LUZP2: variants seen among roughly 807,000 people sequenced by gnomAD.
The protein encoded by LUZP2 is leucine zipper protein 2.
In LUZP2, 52 loss-of-function variants were observed where a neutral mutation model predicts 51.6. The observed-to-expected ratio is 1.01, with a 90% CI of 0.81 to 1.27. The LOEUF (loss-of-function observed/expected upper bound fraction) is 1.27, where lower values mean the gene tolerates loss of function less well. Among genes scored for constraint, LUZP2 ranks in the 50% most tolerant of loss-of-function variants. The probability of loss-of-function intolerance (pLI) is 0.00; values close to 1 mark genes in which losing one functional copy is unlikely to be tolerated. For missense variants in LUZP2, 436 were observed against 395.4 expected, an observed-to-expected ratio of 1.10 and a Z score of -0.87; for synonymous variants, 154 against 137.3, an observed-to-expected ratio of 1.12 and a Z score of -0.85.
At chr11:24,633,295 G>A (rs991309362) in intron 1 of LUZP2, among the ~76,000 whole-genome samples, 1 of 151,990 alleles carries the variant, frequency 6.6e-6, no homozygotes. Context: ...AAAATAAAAT[G>A]AGGATATATA....
At chr11:24,835,240 A>T (rs764288014) in intron 5 of LUZP2, among the ~76,000 whole-genome samples, 1 of 152,198 alleles carries the variant, frequency 6.6e-6, no homozygotes, top group Non-Finnish European at 1.5e-5. Flanking sequence ...TGGTACTGAG[A>T]AAACTAGCCA....
At chr11:24,565,953 T>A (rs1051443044) in intron 1 of LUZP2, among the ~76,000 whole-genome samples, 2 of 152,070 alleles carry the variant, frequency 1.3e-5, no homozygotes, top group African/African-American at 4.8e-5. Context: ...ATTTTAAAAA[T>A]TGTATTAATA....
chr11:24,623,589 T>G (rs1352347287), intron 1 of LUZP2, among the ~76,000 whole-genome samples: 6 of 152,158 alleles, frequency 3.9e-5, no homozygotes, highest in Non-Finnish European at 7.3e-5. Flanking sequence ...CTCACGTTTG[T>G]AATCCCAGCA....
intron 7 of LUZP2, among the ~76,000 whole-genome samples, chr11:24,926,599 A>G (rs1320478906): frequency 6.8e-6 from 1 of 146,586 alleles, no homozygotes; most frequent in Non-Finnish European, 1.5e-5. Flanking sequence ...GTGTATATAT[A>G]TGTGTGTATA....
intron 7 of LUZP2, among the ~76,000 whole-genome samples, chr11:24,961,398 C>T (rs1301345512): frequency 6.6e-6 from 1 of 152,086 alleles, no homozygotes; most frequent in Non-Finnish European, 1.5e-5. Context: ...CTTTGTAGGT[C>T]ACTCAGGACT....
chr11:24,576,561 C>T (rs1025122909), intron 1 of LUZP2, among the ~76,000 whole-genome samples: 1 of 138,928 alleles, frequency 7.2e-6, no homozygotes, highest in South Asian at 2.2e-4. Flanking sequence ...GAGTAATCAA[C>T]AAATTTGAGA....
At chr11:24,976,494 C>G (rs1299096278) in intron 7 of LUZP2, 97 bp from the exon 8 acceptor site, 5 of 592,112 alleles carry the variant, frequency 8.4e-6, no homozygotes, top group Admixed American at 7.1e-5. Context: ...TTTTTCTTTT[C>G]TCTCTTTTTA....
chr11:24,585,458 G>A (rs1433354114), intron 1 of LUZP2, among the ~76,000 whole-genome samples: 2 of 152,030 alleles, frequency 1.3e-5, no homozygotes, highest in African/African-American at 4.8e-5. Context: ...ATGTTTCACT[G>A]AATTGCTTAA....
intron 9 of LUZP2, among the ~76,000 whole-genome samples, chr11:25,003,356 C>T (rs1856747424): frequency 6.6e-6 from 1 of 152,140 alleles, no homozygotes; most frequent in Admixed American, 6.6e-5. Context: ...CAAAGAGAAA[C>T]TGGGGAGTCA....
At chr11:24,706,174 T>C (rs975679443) in intron 1 of LUZP2, among the ~76,000 whole-genome samples, 3 of 152,216 alleles carry the variant, frequency 2.0e-5, no homozygotes, top group African/African-American at 7.2e-5. Flanking sequence ...TTTTATAATA[T>C]GCTTTTAAGA....
chr11:24,994,156 G>GC (rs1271052568), intron 9 of LUZP2, among the ~76,000 whole-genome samples: 2 of 106,704 alleles, frequency 1.9e-5, no homozygotes, highest in Non-Finnish European at 3.5e-5. Flanking sequence ...ACTGCACCTG[G>GC]CCCTTTTTTT....
At chr11:25,026,435 A>G (rs971673185) in intron 9 of LUZP2, among the ~76,000 whole-genome samples, 5 of 152,210 alleles carry the variant, frequency 3.3e-5, no homozygotes, top group Non-Finnish European at 7.3e-5. Flanking sequence ...TTAGATTGTG[A>G]ATACTATTCC....
intron 9 of LUZP2, among the ~76,000 whole-genome samples, chr11:25,011,173 T>A (rs1856974664): frequency 6.6e-6 from 1 of 152,178 alleles, no homozygotes; most frequent in African/African-American, 2.4e-5. Flanking sequence ...ATTGTGACTA[T>A]CAGTGAATGC....
At chr11:24,518,502 C>T (rs576492949) in intron 1 of LUZP2, among the ~76,000 whole-genome samples, 2 of 152,020 alleles carry the variant, frequency 1.3e-5, no homozygotes, top group South Asian at 4.1e-4. Flanking sequence ...CTTTTTAAAA[C>T]GAATGGAAGA....
chr11:25,044,014 A>T (rs1858172345), intron 9 of LUZP2, among the ~76,000 whole-genome samples: 1 of 145,004 alleles, frequency 6.9e-6, no homozygotes, highest in South Asian at 2.2e-4. Context: ...TATAGTCTAT[A>T]TATATCTGAT....
At chr11:24,572,849 A>C (rs564357216) in intron 1 of LUZP2, among the ~76,000 whole-genome samples, 2 of 148,694 alleles carry the variant, frequency 1.3e-5, no homozygotes, top group African/African-American at 5.2e-5. Context: ...AGAAAATTTT[A>C]TTTTATTTTT....
At chr11:24,671,289 G>C (rs1856394774) in intron 1 of LUZP2, among the ~76,000 whole-genome samples, 1 of 151,558 alleles carries the variant, frequency 6.6e-6, no homozygotes. Flanking sequence ...GCAGTTTTTT[G>C]TAAATTTTAT....
intron 10 of LUZP2, among the ~76,000 whole-genome samples, chr11:25,072,804 T>G (rs1859194259): frequency 6.7e-6 from 1 of 150,152 alleles, no homozygotes; most frequent in Non-Finnish European, 1.5e-5. Context: ...ACCCAAGTTT[T>G]ATTGGATAAA....
intron 5 of LUZP2, among the ~76,000 whole-genome samples, chr11:24,858,975 A>G (rs1851651288): frequency 6.6e-6 from 1 of 152,218 alleles, no homozygotes; most frequent in African/African-American, 2.4e-5. Flanking sequence ...GCAGTTTGTT[A>G]TCATTATTGA....
Sources: allele counts gnomAD v4.1 joint callset (sites outside exome capture counted in the v4.1 genomes callset), GRCh38; gene constraint gnomAD v4.1.1; transcripts MANE v1.5; gene names NCBI Gene and HGNC (gene_info 2026-07-23, HGNC 2026-07-21).